The following CAST variants were observed in gnomAD, a reference collection of about 807,000 sequenced individuals.
CAST encodes MIR583 host.
In CAST, 76 loss-of-function variants were observed where a neutral mutation model predicts 119.6. The observed-to-expected ratio is 0.64, with a 90% CI of 0.53 to 0.77. CAST has a LOEUF of 0.77. Among genes scored for constraint, CAST ranks in the 30% least tolerant of loss-of-function variants. The pLI, the probability that CAST is intolerant of heterozygous loss-of-function variation, is 0.00. For synonymous variants in CAST, 319 were observed against 331.6 expected, an observed-to-expected ratio of 0.96 and a Z score of 0.41; for missense variants, 953 against 946.5, an observed-to-expected ratio of 1.01 and a Z score of -0.09.
intron 1 of CAST, among the ~76,000 whole-genome samples, chr5:96,580,821 C>T (rs1399611425): frequency 2.0e-5 from 3 of 152,192 alleles, no homozygotes; most frequent in Non-Finnish European, 2.9e-5. Flanking sequence ...TCTGTCTCCT[C>T]AAAAATCGTG....
chr5:96,052,583 G>T, the CAST span, among the ~76,000 whole-genome samples: 1 of 152,212 alleles, frequency 6.6e-6, no homozygotes, highest in African/African-American at 2.4e-5. Context: ...CAACACTGGT[G>T]ATTATCAGTC....
the CAST span, among the ~76,000 whole-genome samples, chr5:96,208,125 AT>A: frequency 1.2e-3 from 157 of 132,548 alleles, no homozygotes; most frequent in Middle Eastern, 4.3e-3. Flanking sequence ...ATAGCCTCTG[AT>A]TTTTTTTTTT....
intron 28 of CAST, 142 bp from the exon 29 acceptor site, chr5:96,767,765 A>G: frequency 1.6e-6 from 1 of 633,182 alleles, no homozygotes; most frequent in South Asian, 2.0e-5. Context: ...TCTCCTTTAC[A>G]ATACATTATT....
At chr5:96,619,326 C>T (rs1338185576) in intron 1 of CAST, among the ~76,000 whole-genome samples, 1 of 152,154 alleles carries the variant, frequency 6.6e-6, no homozygotes, top group Non-Finnish European at 1.5e-5. Context: ...CTGTGTCTAG[C>T]TCAGGGATTG....
chr5:96,398,678 C>T, the CAST span, among the ~76,000 whole-genome samples: 422 of 152,222 alleles, frequency 2.8e-3, 3 homozygotes, highest in African/African-American at 9.8e-3. Context: ...GCCTCATTCT[C>T]TGCTTATCAA....
At chr5:96,112,926 A>G in the CAST span, among the ~76,000 whole-genome samples, 1 of 152,238 alleles carries the variant, frequency 6.6e-6, no homozygotes, top group African/African-American at 2.4e-5. Context: ...ATAATATCAT[A>G]TCTCTTTCTA....
At chr5:96,090,545 A>G in the CAST span, among the ~76,000 whole-genome samples, 1 of 152,136 alleles carries the variant, frequency 6.6e-6, no homozygotes, top group African/African-American at 2.4e-5. Flanking sequence ...CTAAACAGCC[A>G]TGGAGCTACC....
At chr5:96,487,486 T>C in the CAST span, among the ~76,000 whole-genome samples, 1 of 152,234 alleles carries the variant, frequency 6.6e-6, no homozygotes, top group African/African-American at 2.4e-5. Context: ...AGCCATCTGA[T>C]GTTTAGACAT....
chr5:96,314,532 G>T, the CAST span, among the ~76,000 whole-genome samples: 1 of 152,260 alleles, frequency 6.6e-6, no homozygotes, highest in East Asian at 1.9e-4. Flanking sequence ...ACACAAACAT[G>T]GCAGGATCCT....
the CAST span, among the ~76,000 whole-genome samples, chr5:96,142,848 G>C: frequency 2.0e-5 from 3 of 152,266 alleles, no homozygotes; most frequent in Middle Eastern, 6.8e-3. Flanking sequence ...CACCTTCACA[G>C]GGCATGTACT....
At chr5:96,579,644 T>C (rs545372534) in intron 1 of CAST, among the ~76,000 whole-genome samples, 83 of 152,282 alleles carry the variant, frequency 5.5e-4, no homozygotes, top group African/African-American at 1.9e-3. Flanking sequence ...TCCTCCTGAC[T>C]AGTGTCCCAC....
At chr5:96,194,009 C>T in the CAST span, among the ~76,000 whole-genome samples, 3 of 151,986 alleles carry the variant, frequency 2.0e-5, no homozygotes, top group Admixed American at 2.0e-4. Flanking sequence ...CATAGCTAAG[C>T]CTAAAGCAGA....
chr5:95,996,579 G>A, the CAST span, among the ~76,000 whole-genome samples: 1 of 152,180 alleles, frequency 6.6e-6, no homozygotes, highest in Non-Finnish European at 1.5e-5. Flanking sequence ...AAATGGAGAT[G>A]TCAGTTGTTA....
chr5:96,714,552 A>G (rs1756856037), intron 3 of CAST: 1 of 152,128 alleles, frequency 6.6e-6, no homozygotes, highest in Non-Finnish European at 1.5e-5. Context: ...GTAAATCCTC[A>G]CCTGTGAAAC....
Position 96,729,738 on chromosome 5 carries a change from G to C in CAST, c.549+13G>C. The stretch of plus-strand genomic sequence containing the variant: ...AACAGAACCAAAGGTAAATGAAGCA[G>C]ATTGATAGGAAAACCTTAACATCAA... On this transcript the variant is annotated intron_variant, in intron 8 of 31. Coordinates refer to ENST00000675179, the MANE Select transcript of CAST (RefSeq NM_001750.7). The C allele has an allele frequency of 8.8e-7, 1 of 1,135,408 alleles. No homozygotes were observed. The highest frequency in any genetic ancestry group is 1.2e-5 in the South Asian group (1 of 81,118). 70.3% of individuals were successfully genotyped at this position (1,135,408 alleles called of 1,614,324 possible).
At chr5:96,409,847 C>T in the CAST span, among the ~76,000 whole-genome samples, 1 of 152,182 alleles carries the variant, frequency 6.6e-6, no homozygotes, top group South Asian at 2.1e-4. Context: ...GTTGAGACCA[C>T]AGCTTTACTG....
intron 21 of CAST, among the ~76,000 whole-genome samples, 181 bp downstream of exon 21, chr5:96,754,342 C>A (rs1439314079): frequency 9.2e-5 from 14 of 152,170 alleles, no homozygotes; most frequent in East Asian, 3.8e-4. Flanking sequence ...AGTGTTGAAC[C>A]CCCACAGTGG....
chr5:96,283,084 T>C, the CAST span, among the ~76,000 whole-genome samples: 8 of 142,240 alleles, frequency 5.6e-5, no homozygotes, highest in Non-Finnish European at 1.2e-4. Flanking sequence ...GAGCCGAGAT[T>C]GCGCCACTGC....
the CAST span, among the ~76,000 whole-genome samples, chr5:96,156,226 G>T: frequency 1.5e-4 from 23 of 152,166 alleles, no homozygotes; most frequent in Admixed American, 1.5e-3. Flanking sequence ...GACCTGATTG[G>T]TTTGTTGCTC....
Sources: allele counts gnomAD v4.1 joint callset (sites outside exome capture counted in the v4.1 genomes callset), GRCh38; gene constraint gnomAD v4.1.1; transcripts MANE v1.5; gene names NCBI Gene and HGNC (gene_info 2026-07-23, HGNC 2026-07-21).